The following DPY19L2 variants were observed in gnomAD, a reference collection of about 807,000 sequenced individuals.
DPY19L2 encodes the protein dpy-19 like 2.
DPY19L2 carries 34 observed loss-of-function variants against 97.9 expected under a neutral mutation model. That is an observed-to-expected ratio of 0.35 (90% confidence interval 0.26 to 0.46). DPY19L2 has a LOEUF of 0.46. Among genes scored for constraint, DPY19L2 ranks in the 20% least tolerant of loss-of-function variants. The pLI is 1.00. For synonymous variants in DPY19L2, 230 were observed against 307.9 expected (o/e 0.75, Z 2.65); for missense variants, 623 against 911.4 (o/e 0.68, Z 4.07).
At chr12:63,633,812 C>A (rs1284784685) in intron 6 of DPY19L2, among the ~76,000 whole-genome samples, 2 of 152,124 alleles carry the variant, frequency 1.3e-5, no homozygotes, top group Non-Finnish European at 2.9e-5. Context: ...TTGGAACCAA[C>A]CTAATGTCCA....
chr12:63,662,316 G>T (rs967317425), intron 3 of DPY19L2, among the ~76,000 whole-genome samples: 1 of 151,966 alleles, frequency 6.6e-6, no homozygotes, highest in African/African-American at 2.4e-5. Context: ...CATCCAACAC[G>T]AGTAAGTACT....
chr12:63,627,356 T>C (rs1889736827), intron 6 of DPY19L2, among the ~76,000 whole-genome samples: 1 of 151,280 alleles, frequency 6.6e-6, no homozygotes, highest in Non-Finnish European at 1.5e-5. Context: ...TGTTGTTGTT[T>C]TGTTTTGTTT....
intron 19 of DPY19L2, among the ~76,000 whole-genome samples, chr12:63,571,867 G>A (rs1187045426): frequency 2.0e-5 from 3 of 152,106 alleles, no homozygotes; most frequent in African/African-American, 7.2e-5. Context: ...ACAAAATTGT[G>A]AAGGTTACTA....
chr12:63,621,013 G>T (rs1888604615), intron 9 of DPY19L2, among the ~76,000 whole-genome samples: 1 of 151,506 alleles, frequency 6.6e-6, no homozygotes, highest in African/African-American at 2.4e-5. Context: ...AGAATACATG[G>T]ACACAGGGAG....
intron 11 of DPY19L2, among the ~76,000 whole-genome samples, 189 bp from the exon 12 acceptor site, chr12:63,608,864 A>T (rs1010110377): frequency 1.2e-4 from 18 of 152,184 alleles, no homozygotes; most frequent in Non-Finnish European, 2.4e-4. Flanking sequence ...GGTGAGAGTT[A>T]AATGGTTTGT....
intron 13 of DPY19L2, among the ~76,000 whole-genome samples, chr12:63,599,829 T>A (rs1884846287): frequency 6.6e-6 from 1 of 152,054 alleles, no homozygotes; most frequent in South Asian, 2.1e-4. Context: ...AGATCAAAAT[T>A]TTTTAACATT....
chr12:63,651,785 C>A (rs1476861672), intron 4 of DPY19L2: 4 of 343,546 alleles, frequency 1.2e-5, no homozygotes, highest in South Asian at 8.9e-5. Flanking sequence ...TTACAAAGAA[C>A]CAGAAGGACC....
chr12:63,563,337 C>A (rs1402790209), intron 21 of DPY19L2, among the ~76,000 whole-genome samples: 1 of 152,106 alleles, frequency 6.6e-6, no homozygotes. Context: ...TCTGAGAAAT[C>A]TTAGCCTAAT....
intron 4 of DPY19L2, among the ~76,000 whole-genome samples, chr12:63,656,302 C>G (rs181237379): frequency 6.6e-6 from 1 of 152,092 alleles, no homozygotes; most frequent in South Asian, 2.1e-4. Context: ...AATTCAAGAC[C>G]GTCAACCTCA....
chr12:63,630,848 A>C (rs1434346376), intron 6 of DPY19L2, among the ~76,000 whole-genome samples: 3 of 152,176 alleles, frequency 2.0e-5, no homozygotes, highest in South Asian at 4.1e-4. Flanking sequence ...GTAAAAGAAC[A>C]GAAATTATAA....
intron 16 of DPY19L2, among the ~76,000 whole-genome samples, chr12:63,589,385 A>AAAAAAAAG: frequency 1.5e-5 from 2 of 134,938 alleles, no homozygotes; most frequent in Non-Finnish European, 3.2e-5. Flanking sequence ...AAAAAAAAAA[A>AAAAAAAAG]AAAAAAAGTA....
At chr12:63,655,201 A>G (rs142558156) in intron 4 of DPY19L2, among the ~76,000 whole-genome samples, 300 of 152,328 alleles carry the variant, frequency 2.0e-3, no homozygotes, top group African/African-American at 6.4e-3. Context: ...ACAGATGGCA[A>G]ATAAGCACAA....
intron 15 of DPY19L2, among the ~76,000 whole-genome samples, chr12:63,595,391 C>T (rs1246347958): frequency 6.6e-6 from 1 of 152,034 alleles, no homozygotes; most frequent in Non-Finnish European, 1.5e-5. Flanking sequence ...AGAAAACCTA[C>T]CAGTGGTATT....
At chr12:63,637,692 G>A (rs1592684632) in intron 6 of DPY19L2, among the ~76,000 whole-genome samples, 1 of 151,932 alleles carries the variant, frequency 6.6e-6, no homozygotes, top group African/African-American at 2.4e-5. Flanking sequence ...CCAATAACAG[G>A]CTCTGAAATT....
At chr12:63,614,470 CA>C (rs1887533652) in intron 11 of DPY19L2, among the ~76,000 whole-genome samples, 1 of 151,728 alleles carries the variant, frequency 6.6e-6, no homozygotes, top group Admixed American at 6.6e-5. Flanking sequence ...TCTGTTCTGA[CA>C]ATATAGATAC....
chr12:63,668,565 G>C (rs1374648992), upstream of DPY19L2: 3 of 698,026 alleles, frequency 4.3e-6, no homozygotes, highest in Non-Finnish European at 4.7e-6. Flanking sequence ...CGCATGCGTT[G>C]GAAGCCATTC....
chr12:63,650,084 A>C (rs1893991908), intron 4 of DPY19L2, among the ~76,000 whole-genome samples: 1 of 152,180 alleles, frequency 6.6e-6, no homozygotes, highest in Admixed American at 6.5e-5. Flanking sequence ...GATTATCTAA[A>C]TAGATGCAGA....
At chr12:63,629,620 GA>G (rs1464616164) in intron 6 of DPY19L2, among the ~76,000 whole-genome samples, 5 of 152,142 alleles carry the variant, frequency 3.3e-5, no homozygotes, top group African/African-American at 1.2e-4. Context: ...GGGGAGAATG[GA>G]ACCAAGTTGG....
chr12:63,641,524 A>T (rs1565825731), intron 6 of DPY19L2, among the ~76,000 whole-genome samples: 1 of 152,082 alleles, frequency 6.6e-6, no homozygotes, highest in Non-Finnish European at 1.5e-5. Context: ...ATTTACTTTA[A>T]TCTGTTTTTA....
Sources: gnomAD v4.1 joint callset for allele counts (sites outside exome capture counted in the v4.1 genomes callset) on GRCh38, gnomAD v4.1.1 for gene constraint, MANE v1.5 for transcripts, NCBI Gene and HGNC (gene_info 2026-07-23, HGNC 2026-07-21) for gene names.